EPHA6: variants seen among roughly 807,000 people sequenced by gnomAD.
EPHA6 encodes the protein EPH receptor A6.
Under a neutral mutation model 112.0 loss-of-function variants are expected in EPHA6, and 50 were observed. That is an observed-to-expected ratio of 0.45 (90% CI 0.36 to 0.56). The LOEUF (loss-of-function observed/expected upper bound fraction) is 0.56. Ranked by LOEUF, EPHA6 falls within the 20% of genes least tolerant of loss-of-function variation. EPHA6 has a pLI of 0.00. For missense variants in EPHA6, 1,280 were observed against 1,417.4 expected, an observed-to-expected ratio of 0.90 and a Z score of 1.56; for synonymous variants, 529 against 490.7, an observed-to-expected ratio of 1.08 and a Z score of -1.03.
chr3:96,970,173 G>A (rs2042261159), intron 2 of EPHA6, among the ~76,000 whole-genome samples: 1 of 151,104 alleles, frequency 6.6e-6, no homozygotes, highest in African/African-American at 2.4e-5. Context: ...CACCTGTTCA[G>A]TTCACTCTCT....
Position 97,756,707 on chromosome 3 carries a change from A to T in EPHA6, c.*8006A>T, listed in dbSNP as rs2107935323. The stretch of plus-strand genomic sequence containing the variant: ...AGGCCTCTTAGAGTAAAAAAAATCA[A>T]AATGTGAAATGGGAGCATTTTGGGG... On this transcript the variant is annotated 3_prime_UTR_variant, in exon 18 of 18. Transcript: ENST00000389672. 6.6e-6 allele frequency among the ~76,000 whole-genome samples: 1 copy of T among 152,026 alleles called. No individual in the cohort carries two copies. Among genetic ancestry groups the T allele is most frequent in the Non-Finnish European group, 1.5e-5 (1 of 67,778 alleles).
At chr3:96,940,575 G>C (rs1018545510) in intron 2 of EPHA6, among the ~76,000 whole-genome samples, 1 of 152,072 alleles carries the variant, frequency 6.6e-6, no homozygotes, top group Admixed American at 6.6e-5. Flanking sequence ...GTGTCTTTTA[G>C]TTGGAGCATT....
chr3:97,388,322 C>A (rs1394638521), intron 5 of EPHA6, among the ~76,000 whole-genome samples: 2 of 151,350 alleles, frequency 1.3e-5, no homozygotes, highest in African/African-American at 2.4e-5. Context: ...TTTTTTTAAT[C>A]TTCTTAGTTC....
At chr3:97,009,489 C>A (rs953679534) in intron 3 of EPHA6, among the ~76,000 whole-genome samples, 1 of 152,212 alleles carries the variant, frequency 6.6e-6, no homozygotes, top group Non-Finnish European at 1.5e-5. Flanking sequence ...CAGCCTAGAG[C>A]TATAGAAATG....
intron 14 of EPHA6, among the ~76,000 whole-genome samples, chr3:97,664,647 A>C (rs563057809): frequency 6.6e-6 from 1 of 152,364 alleles, no homozygotes; most frequent in East Asian, 1.9e-4. Flanking sequence ...ATCAATGTGC[A>C]TAAATCACAA....
At chr3:97,667,167 C>T (rs1162721219) in intron 14 of EPHA6, among the ~76,000 whole-genome samples, 1 of 152,106 alleles carries the variant, frequency 6.6e-6, no homozygotes, top group South Asian at 2.1e-4. Flanking sequence ...TTGAGTTTCC[C>T]TTGTGGTTTA....
At chr3:97,561,129 G>A (rs1010255187) in intron 11 of EPHA6, among the ~76,000 whole-genome samples, 6 of 151,932 alleles carry the variant, frequency 3.9e-5, no homozygotes, top group Admixed American at 3.3e-4. Context: ...TATTCCCTAA[G>A]GCACAATAAG....
chr3:97,153,421 A>G (rs1403557852), intron 3 of EPHA6, among the ~76,000 whole-genome samples: 2 of 152,152 alleles, frequency 1.3e-5, no homozygotes, highest in Admixed American at 1.3e-4. Flanking sequence ...TATTTTCAAA[A>G]CGGTTATTAA....
At chr3:97,458,583 A>G (rs1463109528) in intron 7 of EPHA6, among the ~76,000 whole-genome samples, 1 of 152,152 alleles carries the variant, frequency 6.6e-6, no homozygotes, top group Admixed American at 6.5e-5. Flanking sequence ...TATATAATAC[A>G]TATATTCCAC....
At chr3:97,337,974 T>C (rs929493220) in intron 5 of EPHA6, among the ~76,000 whole-genome samples, 1 of 152,140 alleles carries the variant, frequency 6.6e-6, no homozygotes, top group Non-Finnish European at 1.5e-5. Flanking sequence ...TAGAGATAAC[T>C]CTCAGATTTC....
chr3:97,646,305 C>T (rs1248062207), intron 14 of EPHA6: 1 of 1,515,622 alleles, frequency 6.6e-7, no homozygotes, highest in East Asian at 2.5e-5. Flanking sequence ...AGATAACCCT[C>T]CAACAGTGAG....
At chr3:96,981,901 T>A (rs1473979465) in intron 2 of EPHA6, among the ~76,000 whole-genome samples, 1 of 152,168 alleles carries the variant, frequency 6.6e-6, no homozygotes, top group Non-Finnish European at 1.5e-5. Flanking sequence ...AGTGGTGATA[T>A]CCCCTTTATC....
At chr3:97,296,288 C>T (rs1168867378) in intron 5 of EPHA6, among the ~76,000 whole-genome samples, 2 of 152,148 alleles carry the variant, frequency 1.3e-5, no homozygotes, top group East Asian at 3.9e-4. Context: ...TGTGCAGATA[C>T]CAGCAGTGTT....
chr3:97,468,348 A>G (rs9819312), intron 7 of EPHA6, among the ~76,000 whole-genome samples: 2,853 of 151,646 alleles, frequency 0.019, 98 homozygotes, highest in African/African-American at 0.066. Context: ...GTAAAAGAAA[A>G]ATATCAGTAT....
intron 5 of EPHA6, among the ~76,000 whole-genome samples, chr3:97,348,374 G>A (rs567219460): frequency 2.2e-4 from 34 of 151,946 alleles, no homozygotes; most frequent in African/African-American, 4.3e-4. Flanking sequence ...AAGTGAATGC[G>A]CATACATATT....
chr3:96,853,802 C>A (rs902155035), intron 1 of EPHA6, among the ~76,000 whole-genome samples: 1 of 151,588 alleles, frequency 6.6e-6, no homozygotes, highest in Non-Finnish European at 1.5e-5. Context: ...GTGCTTTGAC[C>A]CTACTCTAGT....
At position 97,277,326 on chromosome 3, in the gene EPHA6, TG is replaced by T. The variant is rs937302174; in HGVS notation, c.1606+33044del. Among the ~76,000 whole-genome samples, 20 of 144,738 alleles carry T rather than the reference TG, an allele frequency of 1.4e-4. No individual in the cohort carries two copies. The East Asian group carries it at 3.9e-3, about 28-fold the overall frequency. The allele number at this position is 144,738 out of a possible 152,430, so 95.0% of individuals were successfully genotyped here. A position where few individuals can be genotyped will look rare whatever the true frequency, so the allele number is the denominator to read the frequency against. On this transcript the variant is annotated intron_variant, in intron 5 of 17. Coordinates refer to ENST00000389672, the MANE Select transcript of EPHA6 (RefSeq NM_001080448.3). ...GGAGGTGTTCTCTGGCGGGAAGGGG[TG>T]GGGGTCACAAGGTGCTCAGTGGGGG...
intron 14 of EPHA6, among the ~76,000 whole-genome samples, chr3:97,669,975 C>T (rs1169520223): frequency 6.6e-6 from 1 of 152,096 alleles, no homozygotes; most frequent in Admixed American, 6.6e-5. Flanking sequence ...TCTTTTGCAA[C>T]CTATTAGCAA....
At chr3:97,644,657 C>G (rs1472448750) in intron 14 of EPHA6, among the ~76,000 whole-genome samples, 1 of 150,882 alleles carries the variant, frequency 6.6e-6, no homozygotes, top group Non-Finnish European at 1.5e-5. Flanking sequence ...ATACTACAAA[C>G]ACCTCTACGC....
Sources: gnomAD v4.1 joint callset for allele counts (sites outside exome capture counted in the v4.1 genomes callset) on GRCh38, gnomAD v4.1.1 for gene constraint, MANE v1.5 for transcripts, NCBI Gene and HGNC (gene_info 2026-07-23, HGNC 2026-07-21) for gene names.